NAALADL1: variants seen among roughly 807,000 people sequenced by gnomAD.
NAALADL1 encodes N-acetylated alpha-linked acidic dipeptidase like 1, also known as aminopeptidase NAALADL1.
Under a neutral mutation model 82.8 loss-of-function variants are expected in NAALADL1, and 77 were observed. That is an observed-to-expected ratio of 0.93 (90% CI 0.77 to 1.12). The LOEUF is 1.12. Ranked by LOEUF, NAALADL1 falls within the 50% of genes most tolerant of loss-of-function variation. NAALADL1 has a pLI of 0.00. For missense variants in NAALADL1, 956 were observed against 964.0 expected (o/e 0.99, Z 0.11); for synonymous variants, 358 against 399.2 (o/e 0.90, Z 1.23).
chr11:65,047,063 G>GT (rs994089187), intron 13 of NAALADL1, among the ~76,000 whole-genome samples: 11 of 151,282 alleles, frequency 7.3e-5, no homozygotes, highest in Admixed American at 4.6e-4. Flanking sequence ...GGAAGCGGTG[G>GT]TTTTTTTTCC....
chr11:65,048,299 C>G lies in NAALADL1; in HGVS notation c.1284+1G>C. 1 of 1,614,208 alleles carries G rather than the reference C, an allele frequency of 6.2e-7. No homozygotes were observed. The highest frequency in any genetic ancestry group is 8.5e-7 in the Non-Finnish European group (1 of 1,180,028). The stretch of plus-strand genomic sequence containing the variant: ...ATCCCCTACCCTGTAGGGCCACTCA[C>G]TTCTGTGAATTCCGTGGAGCCAATG... On this transcript the variant is annotated splice_donor_variant, in intron 9 of 17. Coordinates refer to ENST00000358658, the MANE Select transcript of NAALADL1 (RefSeq NM_005468.3). LOFTEE classifies it high-confidence loss of function.
Position 65,046,065 on chromosome 11 carries a change from C to A in NAALADL1, c.1905G>T (p.Leu635Phe). Residue 635 changes from leucine to phenylalanine, a missense_variant, in exon 16 of 18, where the codon TTG becomes TTT. By Grantham distance (22) the Leu-to-Phe change is conservative (BLOSUM62 0). Transcript: ENST00000358658. ...TCTGCAGTGTTGATATGCGTTGGCC[C>A]AAGGCTGCAGCTTCTGCCTCAAACT... ...VEKFEAEAAALGQRISTLQKG... is the reference protein window; with the variant it reads ...VEKFEAEAAAFGQRISTLQKG... The A allele has an allele frequency of 6.2e-7, 1 of 1,614,094 alleles. No homozygotes were observed. The highest frequency in any genetic ancestry group is 8.5e-7 in the Non-Finnish European group (1 of 1,180,018).
chr11:65,053,685 C>G lies in NAALADL1; in HGVS notation c.993-109G>C. Reference sequence around the variant, plus strand: ...TGGAAAGTGACGTGGCAAGGCCATTCATTGGCCCCGAAGTACCAAGAGAGG... The same window carrying G: ...TGGAAAGTGACGTGGCAAGGCCATTGATTGGCCCCGAAGTACCAAGAGAGG... On this transcript the variant is annotated intron_variant, in intron 6 of 17. Coordinates refer to ENST00000358658, the MANE Select transcript of NAALADL1 (RefSeq NM_005468.3). This position sits in a 1 kb window ranked among gnomAD's most constrained non-coding sequence, Gnocchi z 4.3. 1.0e-6 allele frequency: 1 copy of G among 958,834 alleles called. No homozygotes were observed. Among genetic ancestry groups the G allele is most frequent in the Non-Finnish European group, 1.5e-6 (1 of 648,354 alleles). The allele number at this position is 958,834 out of a possible 1,614,324, so 59.4% of individuals were successfully genotyped here. A position where few individuals can be genotyped will look rare whatever the true frequency, so the allele number is the denominator to read the frequency against.
At chr11:65,049,927 G>A (rs1390839020) in intron 8 of NAALADL1, among the ~76,000 whole-genome samples, 1 of 151,544 alleles carries the variant, frequency 6.6e-6, no homozygotes, top group Non-Finnish European at 1.5e-5. Flanking sequence ...AACCAGGCTG[G>A]AGTGCAGTGG....
intron 9 of NAALADL1, 28 bp downstream of exon 9, chr11:65,048,272 C>G: frequency 2.5e-6 from 4 of 1,614,118 alleles, no homozygotes; most frequent in Non-Finnish European, 3.4e-6. Flanking sequence ...GAACCCCTTT[C>G]GATCCCCTAC....
In NAALADL1 at chr11:65,053,412, A is replaced by C. The variant is rs928198961; in HGVS notation, c.1079-75T>G. 1.3e-5 allele frequency: 21 copies of C among 1,612,778 alleles called. No homozygotes were observed. The highest frequency in any genetic ancestry group is 1.8e-5 in the Non-Finnish European group (21 of 1,179,332). On this transcript the variant is annotated intron_variant, in intron 7 of 17. Coordinates refer to ENST00000358658, the MANE Select transcript of NAALADL1 (RefSeq NM_005468.3). The surrounding 1 kb of genome is among the most constrained non-coding windows in gnomAD (Gnocchi z 4.3). ...AGGGGGAGCTGGGCTGGGTGGTGGC[A>C]AGGGCAGGGCTGGATGAGGACAGCG...
chr11:65,053,311 G>T lies in NAALADL1; in HGVS notation c.1105C>A (p.Arg369=). 2 of 1,565,364 alleles carry T rather than the reference G, an allele frequency of 1.3e-6. No homozygotes were observed. The highest frequency in any genetic ancestry group is 2.4e-5 in the East Asian group (1 of 42,170). Residue 369 remains arginine, a synonymous_variant, in exon 8 of 18, where the codon CGA becomes AGA. Transcript: ENST00000358658. This position sits in a 1 kb window ranked among gnomAD's most constrained non-coding sequence, Gnocchi z 4.3. Reference sequence around the variant, plus strand: ...ACAGCCCCGTGCACCCAGCTGTCTCGGTGGTTCCCATACAGCACGTAGCGA... The same window carrying T: ...ACAGCCCCGTGCACCCAGCTGTCTCTGTGGTTCCCATACAGCACGTAGCGA... ...PDRYVLYGNH[R]DSWVHGAVDP...
intron 8 of NAALADL1, 184 bp from the exon 9 acceptor site, chr11:65,048,569 C>A: frequency 1.6e-6 from 1 of 636,556 alleles, no homozygotes; most frequent in Non-Finnish European, 2.7e-6. Flanking sequence ...ACCCCAACTC[C>A]AAGCCCCCTG....
Position 65,047,906 on chromosome 11 carries a change from C to A in NAALADL1, c.1416+75G>T. ...GAGAGTACCACTCCCCAGCCCCGCC[C>A]ACCCGTAGCGGCCCCGTCCGCCGCA... is the stretch of plus-strand genomic sequence containing the variant. On this transcript the variant is annotated intron_variant, in intron 11 of 17. Transcript: ENST00000358658. 3 of 1,292,240 alleles carry A rather than the reference C, an allele frequency of 2.3e-6. No homozygotes were observed. The South Asian group carries it at 4.0e-5, about 17-fold the overall frequency. 80.0% of individuals were successfully genotyped at this position (1,292,240 alleles called of 1,614,324 possible). A position where few individuals can be genotyped will look rare whatever the true frequency, so the allele number is the denominator to read the frequency against.
At position 65,058,505 on chromosome 11, in the gene NAALADL1, A is replaced by C. The variant is rs1590776438; in HGVS notation, c.17T>G (p.Val6Gly). 6.2e-7 allele frequency: 1 copy of C among 1,600,352 alleles called. No homozygotes were observed. The highest frequency in any genetic ancestry group is 8.5e-7 in the Non-Finnish European group (1 of 1,173,636). ...AGCAGCCCCCAGCCCCAGCCCCAAC[A>C]CCTTCGTCCACTGCATCCTGCGGAC... MQWTK[V>G]LGLGLGAAAL... The change falls in exon 1 of 18, where the codon GTG becomes GGG. Residue 6 changes from valine (V) to glycine (G), a missense_variant. Transcript: ENST00000358658.
In NAALADL1 at chr11:65,053,657, A is replaced by C; in HGVS notation, c.993-81T>G. ...CAGTGCAGGAGACACTGAGGCCCGG[A>C]GCTGGAAAGTGACGTGGCAAGGCCA... On this transcript the variant is annotated intron_variant, in intron 6 of 17. Transcript: ENST00000358658. The surrounding 1 kb of genome is among the most constrained non-coding windows in gnomAD (Gnocchi z 4.3). The C allele has an allele frequency of 1.6e-6, 2 of 1,284,536 alleles. No individual in the cohort carries two copies. The highest frequency in any genetic ancestry group is 2.1e-6 in the Non-Finnish European group (2 of 932,748). The allele number at this position is 1,284,536 out of a possible 1,614,324, so 79.6% of individuals were successfully genotyped here. A position where few individuals can be genotyped will look rare whatever the true frequency, so the allele number is the denominator to read the frequency against.
chr11:65,058,700 C>T (rs1947118767), upstream of NAALADL1, among the ~76,000 whole-genome samples: 1 of 152,216 alleles, frequency 6.6e-6, no homozygotes, highest in Non-Finnish European at 1.5e-5. Flanking sequence ...TCCACCACAT[C>T]CTGCACCATT....
At chr11:65,051,461 A>G (rs1946887781) in intron 8 of NAALADL1, among the ~76,000 whole-genome samples, 1 of 150,580 alleles carries the variant, frequency 6.6e-6, no homozygotes, top group South Asian at 2.1e-4. Context: ...ACAGCCTCCG[A>G]AGTAGCTGGA....
intron 4 of NAALADL1, among the ~76,000 whole-genome samples, chr11:65,055,512 C>T (rs79576416): frequency 0.022 from 3,388 of 152,192 alleles, 125 homozygotes; most frequent in African/African-American, 0.076. Flanking sequence ...AGTTCTGATA[C>T]ATCAATGAGC....
Position 65,054,552 on chromosome 11 carries a change from C to T in NAALADL1, c.790G>A (p.Val264Ile), listed in dbSNP as rs373023673. The stretch of plus-strand genomic sequence containing the variant: ...AGGTCCACGCGGAAGGAAGAGGGGA[C>T]GGCTGGAAGGTAGGGAGTCAGAGGG... Reference protein sequence around the residue: ...GDPLTPYLPAVPSSFRVDLAN... With the variant: ...GDPLTPYLPAIPSSFRVDLAN... The change falls in exon 5 of 18, where the codon GTC becomes ATC. Residue 264 changes from valine (V) to isoleucine (I), a missense_variant. Coordinates refer to ENST00000358658, the MANE Select transcript of NAALADL1 (RefSeq NM_005468.3). The surrounding 1 kb of genome is among the most constrained non-coding windows in gnomAD (Gnocchi z 4.3). 95 of 1,613,642 alleles carry T rather than the reference C, an allele frequency of 5.9e-5. No homozygotes were observed. Among genetic ancestry groups the T allele is most frequent in the Middle Eastern group, 3.3e-4 (2 of 6,082 alleles).
intron 4 of NAALADL1, among the ~76,000 whole-genome samples, chr11:65,055,491 AAAAG>A (rs766744654): frequency 1.2e-4 from 19 of 152,280 alleles, no homozygotes; most frequent in Admixed American, 5.9e-4. Context: ...ATTCAGCCTA[AAAAG>A]AAAGAAAGTT....
intron 8 of NAALADL1, among the ~76,000 whole-genome samples, chr11:65,051,340 T>C (rs1946883843): frequency 5.2e-5 from 4 of 76,994 alleles, no homozygotes; most frequent in Non-Finnish European, 9.7e-5. Context: ...TTTTTTTTTT[T>C]TTTTTTTTTT....
At position 65,054,321 on chromosome 11, in the gene NAALADL1, C is replaced by T. The variant is rs1446544811; in HGVS notation, c.921G>A (p.Trp307Ter). 1 of 1,614,024 alleles carries T rather than the reference C, an allele frequency of 6.2e-7. No homozygotes were observed. ...TGTAGTGGCAGCCCAGTGCTCCCTG[C>T]CAGGTGGCTGGGGCCAAAGTTCCGT... ...NLNGTLAPAT[W>*]QGALGCHYRL... The change falls in exon 6 of 18, where the codon TGG becomes TGA. Residue 307 changes from tryptophan (W) to a stop codon, truncating the protein, a stop_gained. Transcript: ENST00000358658. LOFTEE classifies it high-confidence loss of function. This position sits in a 1 kb window ranked among gnomAD's most constrained non-coding sequence, Gnocchi z 4.3.
rs901229666 is a variant in NAALADL1 at position 65,045,120 on chromosome 11, C to G, written c.*151G>C. 1.2e-6 allele frequency: 1 copy of G among 857,414 alleles called. No individual in the cohort carries two copies. Among genetic ancestry groups the G allele is most frequent in the African/African-American group, 1.7e-5 (1 of 58,538 alleles). 53.1% of individuals were successfully genotyped at this position (857,414 alleles called of 1,614,324 possible). A position where few individuals can be genotyped will look rare whatever the true frequency, so the allele number is the denominator to read the frequency against. ...GGGTGAGTTGCATTAGGGCTTGCCA[C>G]TCCCCTCAGGGACCTCAAGCTGTTG... On this transcript the variant is annotated 3_prime_UTR_variant, in exon 18 of 18. Transcript: ENST00000358658.
Sources: allele counts gnomAD v4.1 joint callset (sites outside exome capture counted in the v4.1 genomes callset), GRCh38; gene constraint gnomAD v4.1.1; non-coding constraint Gnocchi (gnomAD v3.1); transcripts MANE v1.5; gene names NCBI Gene and HGNC (gene_info 2026-07-23, HGNC 2026-07-21).